Variants in SSH2 observed in about 807,000 individuals in gnomAD.
SSH2 encodes the protein slingshot protein phosphatase 2.
Under a neutral mutation model 135.2 loss-of-function variants are expected in SSH2, and 37 were observed. The observed-to-expected ratio is 0.27, with a 90% confidence interval of 0.21 to 0.36. The LOEUF is 0.36. SSH2 is among the 10% of genes least tolerant of loss of function. The pLI is 1.00. For synonymous variants in SSH2, 628 were observed against 646.2 expected, an observed-to-expected ratio of 0.97 and a Z score of 0.43; for missense variants, 1,408 against 1,765.3, an observed-to-expected ratio of 0.80 and a Z score of 3.63.
At chr17:29,696,533 A>G (rs1474765320) in intron 4 of SSH2, among the ~76,000 whole-genome samples, 1 of 146,206 alleles carries the variant, frequency 6.8e-6, no homozygotes, top group African/African-American at 2.5e-5. Context: ...AACTCATGCT[A>G]GAGCTTGCAG....
chr17:29,792,660 A>G (rs2042089369), intron 3 of SSH2, among the ~76,000 whole-genome samples: 2 of 152,182 alleles, frequency 1.3e-5, no homozygotes, highest in East Asian at 3.9e-4. Flanking sequence ...AATAATAATA[A>G]TAATTTTTAT....
chr17:29,727,333 T>A (rs1266674134), intron 3 of SSH2, among the ~76,000 whole-genome samples: 1 of 152,228 alleles, frequency 6.6e-6, no homozygotes, highest in Non-Finnish European at 1.5e-5. Flanking sequence ...TCATCTGTAT[T>A]ACATTACAAT....
intron 5 of SSH2, among the ~76,000 whole-genome samples, chr17:29,687,587 G>C (rs370294888): frequency 6.6e-6 from 1 of 152,178 alleles, no homozygotes; most frequent in African/African-American, 2.4e-5. Flanking sequence ...AGACCGGGAG[G>C]CAGTACTGAC....
chr17:29,885,734 T>C (rs1436562938), intron 1 of SSH2, among the ~76,000 whole-genome samples: 1 of 152,182 alleles, frequency 6.6e-6, no homozygotes, highest in African/African-American at 2.4e-5. Flanking sequence ...AATTGAATCA[T>C]GGAGGCTGGT....
chr17:29,920,027 C>T (rs1368742010), intron 1 of SSH2, among the ~76,000 whole-genome samples: 1 of 152,186 alleles, frequency 6.6e-6, no homozygotes, highest in East Asian at 1.9e-4. Context: ...CTGCCTCAGC[C>T]TCCCGAGTAG....
At chr17:29,885,200 G>A (rs752409303) in intron 1 of SSH2, among the ~76,000 whole-genome samples, 7 of 151,974 alleles carry the variant, frequency 4.6e-5, no homozygotes, top group Non-Finnish European at 1.0e-4. Flanking sequence ...ACTTATCCAA[G>A]TGTCTCTGGC....
At chr17:29,727,766 C>T (rs1222172746) in intron 3 of SSH2, among the ~76,000 whole-genome samples, 1 of 152,206 alleles carries the variant, frequency 6.6e-6, no homozygotes, top group Admixed American at 6.5e-5. Flanking sequence ...AGATCTGGAA[C>T]ATGACAAGGA....
rs1244373801 is a variant in SSH2, at chr17:29,677,780, A to G, written c.480-39T>C. ...AGTAGTCCAATAGTTACTCCCCATTACTCTGGGAAGCAGTCTTCTGTTTAC... is the reference window on the plus strand; with the variant it reads ...AGTAGTCCAATAGTTACTCCCCATTGCTCTGGGAAGCAGTCTTCTGTTTAC... On this transcript the variant is annotated intron_variant, in intron 6 of 15. Transcript: ENST00000540801. 7.2e-6 allele frequency: 11 copies of G among 1,524,586 alleles called. No homozygotes were observed. In the South Asian group the frequency reaches 1.0e-4, roughly 14 times the overall value. The allele number at this position is 1,524,586 out of a possible 1,614,324, so 94.4% of individuals were successfully genotyped here. A position where few individuals can be genotyped will look rare whatever the true frequency, so the allele number is the denominator to read the frequency against.
chr17:29,748,654 T>C (rs1402048217), intron 3 of SSH2, among the ~76,000 whole-genome samples: 1 of 152,170 alleles, frequency 6.6e-6, no homozygotes, highest in Admixed American at 6.5e-5. Flanking sequence ...ATGATAATTA[T>C]ATTTATTCAA....
At chr17:29,866,366 T>C (rs571720911) in intron 1 of SSH2, among the ~76,000 whole-genome samples, 90 of 152,358 alleles carry the variant, frequency 5.9e-4, no homozygotes, top group African/African-American at 2.0e-3. Context: ...CAGTCATTCA[T>C]ATGTACAAGT....
At chr17:29,684,770 A>C in intron 5 of SSH2, 86 bp from the exon 6 acceptor site, 2 of 1,329,986 alleles carry the variant, frequency 1.5e-6, no homozygotes, top group Non-Finnish European at 2.1e-6. Context: ...AGCATCTTAA[A>C]GCATACTCAC....
chr17:29,788,618 C>T (rs2042010903), intron 3 of SSH2, among the ~76,000 whole-genome samples: 1 of 147,058 alleles, frequency 6.8e-6, no homozygotes, highest in African/African-American at 2.4e-5. Context: ...CTCTCTCCCT[C>T]CCTTCCTCCC....
intron 2 of SSH2, among the ~76,000 whole-genome samples, chr17:29,818,717 A>ATTTTTG (rs2042602288): frequency 6.6e-6 from 1 of 152,176 alleles, no homozygotes; most frequent in African/African-American, 2.4e-5. Flanking sequence ...CTTTGAAAAC[A>ATTTTTG]TCTATCCTTA....
chr17:29,881,845 T>G (rs1308178443), intron 1 of SSH2, among the ~76,000 whole-genome samples: 1 of 152,148 alleles, frequency 6.6e-6, no homozygotes, highest in Non-Finnish European at 1.5e-5. Flanking sequence ...GAAATAATTA[T>G]GAAAAGTACA....
intron 3 of SSH2, among the ~76,000 whole-genome samples, chr17:29,729,473 C>G (rs934969200): frequency 6.6e-6 from 1 of 152,172 alleles, no homozygotes; most frequent in African/African-American, 2.4e-5. Context: ...CTATGGAGAA[C>G]AGTTTGGAAG....
intron 3 of SSH2, among the ~76,000 whole-genome samples, chr17:29,769,596 A>C (rs1341561554): frequency 1.3e-5 from 2 of 152,140 alleles, no homozygotes; most frequent in East Asian, 3.8e-4. Context: ...GGAGGCATTT[A>C]ATGTATTTGT....
chr17:29,661,802 G>A (rs903538987), intron 11 of SSH2, among the ~76,000 whole-genome samples: 2 of 152,198 alleles, frequency 1.3e-5, no homozygotes, highest in African/African-American at 4.8e-5. Flanking sequence ...TGTCCAGAGA[G>A]AGTTCAACCT....
intron 9 of SSH2, among the ~76,000 whole-genome samples, chr17:29,671,283 G>C (rs546555980): frequency 9.9e-5 from 15 of 152,166 alleles, no homozygotes; most frequent in Non-Finnish European, 2.2e-4. Context: ...TTTAAGACCA[G>C]CCTGGGCAAC....
intron 9 of SSH2, among the ~76,000 whole-genome samples, chr17:29,668,071 C>T (rs1441433209): frequency 6.6e-6 from 1 of 152,186 alleles, no homozygotes; most frequent in African/African-American, 2.4e-5. Context: ...TCATCTCCTC[C>T]CCAACTCCCA....
Sources: gnomAD v4.1 joint callset for allele counts (sites outside exome capture counted in the v4.1 genomes callset) on GRCh38, gnomAD v4.1.1 for gene constraint, MANE v1.5 for transcripts, NCBI Gene and HGNC (gene_info 2026-07-23, HGNC 2026-07-21) for gene names.